The following TMEM161B variants were observed in gnomAD, a reference collection of about 807,000 sequenced individuals.
TMEM161B encodes the protein transmembrane protein 161B.
TMEM161B carries 34 observed loss-of-function variants against 61.8 expected under a neutral mutation model. The ratio of observed to expected loss-of-function variants is 0.55; its 90% confidence interval spans 0.42 to 0.73. TMEM161B has a LOEUF of 0.73. Among genes scored for constraint, TMEM161B ranks in the 30% least tolerant of loss-of-function variants. TMEM161B has a pLI of 0.00. For missense variants in TMEM161B, 456 were observed against 558.5 expected, an observed-to-expected ratio of 0.82 and a Z score of 1.85; for synonymous variants, 167 against 192.8, an observed-to-expected ratio of 0.87 and a Z score of 1.11.
intron 1 of TMEM161B, among the ~76,000 whole-genome samples, chr5:88,265,823 T>A (rs1756305878): frequency 2.6e-5 from 4 of 152,190 alleles, no homozygotes. Context: ...CTCCCACACC[T>A]GCCCACAAAC....
chr5:88,188,799 T>C (rs193262064), downstream of TMEM161B, among the ~76,000 whole-genome samples: 12 of 152,288 alleles, frequency 7.9e-5, no homozygotes, highest in Admixed American at 7.2e-4. Context: ...AAGGGTCTGA[T>C]GGATTGAGAG....
intron 2 of TMEM161B, among the ~76,000 whole-genome samples, chr5:88,231,219 T>G (rs890977942): frequency 6.6e-6 from 1 of 152,182 alleles, no homozygotes; most frequent in African/African-American, 2.4e-5. Context: ...GTACTATGAA[T>G]CATTCTAGCA....
intron 1 of TMEM161B, among the ~76,000 whole-genome samples, chr5:88,253,421 G>A (rs1754593451): frequency 1.3e-5 from 2 of 152,124 alleles, no homozygotes; most frequent in African/African-American, 2.4e-5. Context: ...GGTTCACAGA[G>A]GTGACATCCG....
rs202011902 is a variant in TMEM161B, at chr5:88,224,959, G to GTTTTTTTTTTTTTTTTTTTT, written c.289+809_289+810insAAAAAAAAAAAAAAAAAAAA. 4.9e-5 allele frequency among the ~76,000 whole-genome samples: 5 copies of GTTTTTTTTTTTTTTTTTTTT among 101,200 alleles called. 1 individual carries two copies. Among genetic ancestry groups the GTTTTTTTTTTTTTTTTTTTT allele is most frequent in the Admixed American group, 1.3e-4 (1 of 7,836 alleles). 66.4% of individuals were successfully genotyped at this position (101,200 alleles called of 152,430 possible). A position where few individuals can be genotyped will look rare whatever the true frequency, so the allele number is the denominator to read the frequency against. On this transcript the variant is annotated intron_variant, in intron 4 of 11. Transcript: ENST00000296595. ...ATAATACACATAACACACAAAATATGTTTTTGTTTTTTTTTTTTTTTTTTT... is the reference window on the plus strand; with the variant it reads ...ATAATACACATAACACACAAAATATGTTTTTTTTTTTTTTTTTTTTTTTTTGTTTTTTTTTTTTTTTTTTT...
rs184658340 is a variant in TMEM161B, at chr5:88,242,848, A to C, written c.4-1932T>G. On this transcript the variant is annotated intron_variant, in intron 1 of 11. Coordinates refer to ENST00000296595, the MANE Select transcript of TMEM161B (RefSeq NM_153354.5). ...TAAATGATAAAAGAAGATCAAAACA[A>C]GTTGAAAAAAATAAAATAAAATTTC... 6.5e-3 allele frequency among the ~76,000 whole-genome samples: 991 copies of C among 151,844 alleles called. 11 individuals carry two copies. The highest frequency in any genetic ancestry group is 0.014 in the South Asian group (66 of 4,828).
At chr5:88,238,079 C>A (rs1009307810) in intron 2 of TMEM161B, among the ~76,000 whole-genome samples, 1 of 152,080 alleles carries the variant, frequency 6.6e-6, no homozygotes, top group African/African-American at 2.4e-5. Flanking sequence ...AAACTACGCA[C>A]ATTCTCCTTT....
At chr5:88,187,354 T>C (rs1748409563), downstream of TMEM161B, among the ~76,000 whole-genome samples, 1 of 152,242 alleles carries the variant, frequency 6.6e-6, no homozygotes, top group Non-Finnish European at 1.5e-5. Flanking sequence ...TAGAAAACTT[T>C]TGTTTGAATT....
intron 5 of TMEM161B, among the ~76,000 whole-genome samples, chr5:88,211,431 A>G (rs1375853391): frequency 5.3e-5 from 8 of 151,886 alleles, no homozygotes; most frequent in Non-Finnish European, 1.2e-4. Context: ...AAAAAAGTCA[A>G]AAGTTCCATC....
intron 9 of TMEM161B, 102 bp downstream of exon 9, chr5:88,202,860 A>T: frequency 1.2e-6 from 1 of 810,088 alleles, no homozygotes; most frequent in African/African-American, 1.7e-5. Flanking sequence ...ATGTCTGAAA[A>T]ATACAGTGTC....
chr5:88,225,890 C>T (rs1554056687), intron 3 of TMEM161B, 24 bp from the exon 4 acceptor site: 7 of 1,504,122 alleles, frequency 4.7e-6, no homozygotes, highest in African/African-American at 1.4e-5. Context: ...ACAAGTGACA[C>T]AAAAAACAAG....
intron 4 of TMEM161B, chr5:88,221,844 G>T: frequency 2.4e-6 from 1 of 424,708 alleles, no homozygotes; most frequent in Non-Finnish European, 4.8e-6. Flanking sequence ...GCATTGCTTT[G>T]GACAATTTTT....
chr5:88,260,260 A>G (rs1482356040), intron 1 of TMEM161B, among the ~76,000 whole-genome samples: 1 of 152,220 alleles, frequency 6.6e-6, no homozygotes, highest in Non-Finnish European at 1.5e-5. Flanking sequence ...CTTGAATTCC[A>G]TAGAAACTGA....
At chr5:88,268,664 A>T in intron 1 of TMEM161B, 57 bp downstream of exon 1, 41 of 1,611,966 alleles carry the variant, frequency 2.5e-5, no homozygotes, top group Non-Finnish European at 3.3e-5. Flanking sequence ...CACAGTACTG[A>T]CCTCCCCGCC....
chr5:88,188,267 G>C (rs1345042645), downstream of TMEM161B, among the ~76,000 whole-genome samples: 2 of 120,436 alleles, frequency 1.7e-5, no homozygotes, highest in Admixed American at 9.8e-5. Flanking sequence ...ACCATGTCCA[G>C]CTAATTTTTG....
chr5:88,220,911 A>C (rs910061182), intron 4 of TMEM161B, among the ~76,000 whole-genome samples, 192 bp from the exon 5 acceptor site: 1 of 152,162 alleles, frequency 6.6e-6, no homozygotes, highest in African/African-American at 2.4e-5. Flanking sequence ...TAGCATCCCA[A>C]ACTAAATTTT....
intron 1 of TMEM161B, among the ~76,000 whole-genome samples, chr5:88,264,769 G>C (rs987512275): frequency 3.3e-5 from 5 of 152,140 alleles, no homozygotes; most frequent in African/African-American, 1.2e-4. Context: ...AAAAAAGAAT[G>C]AGTTCATGTC....
intron 4 of TMEM161B, among the ~76,000 whole-genome samples, chr5:88,224,942 C>T (rs1007222405): frequency 1.3e-5 from 2 of 148,482 alleles, no homozygotes; most frequent in Admixed American, 1.3e-4. Flanking sequence ...ATATAATACA[C>T]ATAACACACA....
At chr5:88,216,846 A>G (rs941203186) in intron 5 of TMEM161B, among the ~76,000 whole-genome samples, 3 of 152,234 alleles carry the variant, frequency 2.0e-5, no homozygotes, top group Admixed American at 2.0e-4. Context: ...ATAGAAAAAG[A>G]GACAACAATT....
chr5:88,222,937 A>T (rs1237900085), intron 4 of TMEM161B, among the ~76,000 whole-genome samples: 2 of 152,080 alleles, frequency 1.3e-5, no homozygotes, highest in Admixed American at 1.3e-4. Flanking sequence ...TATATACAAC[A>T]TGCATTCACA....
Sources: allele counts gnomAD v4.1 joint callset (sites outside exome capture counted in the v4.1 genomes callset), GRCh38; gene constraint gnomAD v4.1.1; transcripts MANE v1.5; gene names NCBI Gene and HGNC (gene_info 2026-07-23, HGNC 2026-07-21).